The following RELN variants were observed in gnomAD, a reference collection of about 807,000 sequenced individuals.
The protein encoded by RELN is reelin.
RELN carries 108 observed loss-of-function variants against 427.6 expected under a neutral mutation model. The ratio of observed to expected loss-of-function variants is 0.25; its 90% confidence interval spans 0.22 to 0.30. RELN has a LOEUF of 0.30. Ranked by LOEUF, RELN falls within the 10% of genes least tolerant of loss-of-function variation. The probability of loss-of-function intolerance (pLI) is 1.00; values close to 1 mark genes in which losing one functional copy is unlikely to be tolerated. For missense variants in RELN, 3,715 were observed against 4,302.8 expected (o/e 0.86, Z 3.82); for synonymous variants, 1,524 against 1,513.4 (o/e 1.01, Z -0.16).
chr7:103,650,211 G>T, intron 16 of RELN, 63 bp downstream of exon 16: 1 of 1,004,390 alleles, frequency 1.0e-6, no homozygotes, highest in Admixed American at 1.7e-5. Context: ...CTGTGCTGAC[G>T]AACAAAAGCA....
intron 28 of RELN, among the ~76,000 whole-genome samples, chr7:103,580,525 A>G (rs1831105725): frequency 6.6e-6 from 1 of 152,266 alleles, no homozygotes; most frequent in Admixed American, 6.5e-5. Flanking sequence ...TATACCACCC[A>G]ACATCAAACA....
At chr7:103,693,646 G>A (rs1384008093) in intron 10 of RELN, among the ~76,000 whole-genome samples, 5 of 152,094 alleles carry the variant, frequency 3.3e-5, no homozygotes, top group African/African-American at 4.8e-5. Flanking sequence ...AATTATAAGT[G>A]AGGGATTTTG....
intron 63 of RELN, among the ~76,000 whole-genome samples, chr7:103,480,881 G>T (rs1215412645): frequency 2.6e-5 from 4 of 152,188 alleles, no homozygotes; most frequent in African/African-American, 4.8e-5. Flanking sequence ...AGATAATAAT[G>T]CAGGATAAGA....
chr7:103,728,049 T>C, intron 7 of RELN, 62 bp downstream of exon 7: 1 of 1,537,848 alleles, frequency 6.5e-7, no homozygotes, highest in Non-Finnish European at 9.0e-7. Context: ...GAAAAACTTT[T>C]GTTGGCAAAA....
chr7:103,981,098 C>T (rs1288022077), intron 1 of RELN, among the ~76,000 whole-genome samples: 2 of 152,072 alleles, frequency 1.3e-5, no homozygotes, highest in East Asian at 1.9e-4. Context: ...ATGTAATAAG[C>T]AAAAGGAATG....
At chr7:103,547,428 CT>C (rs1478340236) in intron 41 of RELN, among the ~76,000 whole-genome samples, 2 of 146,396 alleles carry the variant, frequency 1.4e-5, no homozygotes, top group Admixed American at 6.8e-5. Flanking sequence ...TCCAGAGTAG[CT>C]GGGATTACAG....
intron 2 of RELN, among the ~76,000 whole-genome samples, chr7:103,881,050 C>G (rs991730631): frequency 1.3e-5 from 2 of 152,114 alleles, no homozygotes; most frequent in African/African-American, 4.8e-5. Context: ...GCCAAGGACT[C>G]TTTCATCTTA....
At chr7:103,753,062 C>T in intron 5 of RELN, 120 bp downstream of exon 5, 1 of 991,294 alleles carries the variant, frequency 1.0e-6, no homozygotes, top group South Asian at 1.3e-5. Flanking sequence ...ATTTCAGTGA[C>T]TGATCAATGA....
At position 103,575,670 on chromosome 7, in the gene RELN, G is replaced by A. The variant is rs1370141031; in HGVS notation, c.4181C>T (p.Ser1394Leu). 5.6e-6 allele frequency: 9 copies of A among 1,613,996 alleles called. No homozygotes were observed. Among genetic ancestry groups the A allele is most frequent in the Non-Finnish European group, 7.6e-6 (9 of 1,180,026 alleles). The change falls in exon 29 of 65, where the codon TCA (serine) becomes TTA (leucine). Residue 1394 changes from serine (S) to leucine (L), a missense_variant. Physicochemically the swap from Ser to Leu is moderately radical, Grantham distance 145. This residue lies in a region of RELN where 2,208 missense variants were observed against 2,361.7 expected (regional missense o/e 0.93). Coordinates refer to ENST00000428762, the MANE Select transcript of RELN (RefSeq NM_005045.4). Reference sequence around the variant, plus strand: ...ACCAAATGGAGGCACGTTTTTCTGTGAGCTGCTCTCCTGGATCCATCGGAA... The same window carrying A: ...ACCAAATGGAGGCACGTTTTTCTGTAAGCTGCTCTCCTGGATCCATCGGAA... ...TRFRWIQESS[S>L]QKNVPPFGLD...
At chr7:103,719,779 C>T (rs1353857356) in intron 8 of RELN, among the ~76,000 whole-genome samples, 1 of 152,144 alleles carries the variant, frequency 6.6e-6, no homozygotes, top group African/African-American at 2.4e-5. Flanking sequence ...AAGGCTACTA[C>T]CATAAATTCC....
chr7:103,695,792 T>C (rs907416410), intron 10 of RELN, among the ~76,000 whole-genome samples: 1 of 152,058 alleles, frequency 6.6e-6, no homozygotes, highest in East Asian at 1.9e-4. Flanking sequence ...AATCAAGTGG[T>C]AGTGGGATAT....
rs58533286 is a variant in RELN, at chr7:103,494,365, T to TTGTGTGTGTGTGTGTGTGTGTGTGTG, written c.9369+1332_9369+1357dup. Among the ~76,000 whole-genome samples the TTGTGTGTGTGTGTGTGTGTGTGTGTG allele has an allele frequency of 3.6e-3, 429 of 118,298 alleles. 6 individuals carry two copies. The highest frequency in any genetic ancestry group is 0.014 in the African/African-American group (410 of 29,590). 77.6% of individuals were successfully genotyped at this position (118,298 alleles called of 152,430 possible). A position where few individuals can be genotyped will look rare whatever the true frequency, so the allele number is the denominator to read the frequency against. On this transcript the variant is annotated intron_variant, in intron 57 of 64. Transcript: ENST00000428762. Reference sequence around the variant, plus strand: ...ATACAATACATTTCTGTAATGACTTTTGTGTGTGTGTGTGTGTGTGTGTGT... The same window carrying TTGTGTGTGTGTGTGTGTGTGTGTGTG: ...ATACAATACATTTCTGTAATGACTTTTGTGTGTGTGTGTGTGTGTGTGTGTGTGTGTGTGTGTGTGTGTGTGTGTGT...
intron 20 of RELN, among the ~76,000 whole-genome samples, chr7:103,618,873 G>A (rs1379359317): frequency 6.6e-6 from 1 of 152,138 alleles, no homozygotes; most frequent in East Asian, 1.9e-4. Flanking sequence ...AGCACTTTGG[G>A]AGGCCGAGGT....
chr7:103,614,629 C>T (rs1832038985), intron 20 of RELN, among the ~76,000 whole-genome samples: 1 of 151,866 alleles, frequency 6.6e-6, no homozygotes, highest in African/African-American at 2.4e-5. Flanking sequence ...TTAAGGTGCT[C>T]ACAAGCCCAG....
At chr7:103,611,842 A>C (rs1831967423) in intron 20 of RELN, 39 bp from the exon 21 acceptor site, 2 of 1,509,528 alleles carry the variant, frequency 1.3e-6, no homozygotes, top group African/African-American at 2.7e-5. Context: ...AATTCTAAAC[A>C]CAATGTATTA....
chr7:103,644,442 CA>C (rs200748343), intron 16 of RELN, among the ~76,000 whole-genome samples: 1,760 of 137,034 alleles, frequency 0.013, 23 homozygotes, highest in South Asian at 0.026. Context: ...AAACCCCAAA[CA>C]AAACTTTTAG....
intron 4 of RELN, among the ~76,000 whole-genome samples, chr7:103,759,196 A>G (rs1366218082): frequency 2.0e-5 from 3 of 152,134 alleles, no homozygotes; most frequent in African/African-American, 7.2e-5. Flanking sequence ...CTAGCAAAAG[A>G]AAGAGACTGG....
chr7:103,860,629 T>C (rs947459112), intron 2 of RELN, among the ~76,000 whole-genome samples: 2 of 152,142 alleles, frequency 1.3e-5, no homozygotes, highest in South Asian at 2.1e-4. Flanking sequence ...AGAAAGCTGA[T>C]TGTACACATC....
chr7:103,492,505 A>G (rs1828707305), intron 57 of RELN, among the ~76,000 whole-genome samples: 1 of 152,194 alleles, frequency 6.6e-6, no homozygotes, highest in African/African-American at 2.4e-5. Context: ...TCCATATTAT[A>G]TGCAATTAAA....
Sources: gnomAD v4.1 joint callset for allele counts (sites outside exome capture counted in the v4.1 genomes callset) on GRCh38, gnomAD v4.1.1 for gene constraint, gnomAD v4.1.1 regional missense constraint, MANE v1.5 for transcripts, NCBI Gene and HGNC (gene_info 2026-07-23, HGNC 2026-07-21) for gene names.